Variants in TACR1 observed in about 807,000 individuals in gnomAD.
TACR1 encodes the protein tachykinin receptor 1.
A neutral mutation model predicts 35.8 loss-of-function variants in TACR1; 25 were observed. The observed-to-expected ratio is 0.70, with a 90% CI of 0.51 to 0.98. TACR1 has a LOEUF of 0.98. Among genes scored for constraint, TACR1 ranks in the 50% least tolerant of loss-of-function variants. TACR1 has a pLI of 0.00. For synonymous variants in TACR1, 195 were observed against 206.7 expected (o/e 0.94, Z 0.48); for missense variants, 478 against 522.9 (o/e 0.91, Z 0.84).
In TACR1 at chr2:75,171,415, T is replaced by C. The variant is rs1007593996; in HGVS notation, c.389+27131A>G. Among the ~76,000 whole-genome samples the C allele has an allele frequency of 2.6e-5, 4 of 152,182 alleles. No individual in the cohort carries two copies. In the East Asian group the frequency reaches 5.8e-4, roughly 22 times the overall value. ...GGTGTGCTGCAGGGGTGAGCCCTCATAGAGAACCTCTACTAGGGCAGTACA... is the reference window on the plus strand; with the variant it reads ...GGTGTGCTGCAGGGGTGAGCCCTCACAGAGAACCTCTACTAGGGCAGTACA... On this transcript the variant is annotated intron_variant, in intron 1 of 4. Transcript: ENST00000305249.
At chr2:75,059,962 G>C (rs1369114271) in intron 2 of TACR1, among the ~76,000 whole-genome samples, 1 of 152,188 alleles carries the variant, frequency 6.6e-6, no homozygotes, top group Non-Finnish European at 1.5e-5. Flanking sequence ...TGTATTTATT[G>C]GTTCACTCAC....
chr2:75,069,347 TA>T (rs1672831468), intron 2 of TACR1, among the ~76,000 whole-genome samples: 1 of 151,380 alleles, frequency 6.6e-6, no homozygotes, highest in Non-Finnish European at 1.5e-5. Flanking sequence ...TATATTTATT[TA>T]TTAATATAGT....
chr2:75,084,915 G>A (rs1331182338), intron 2 of TACR1, among the ~76,000 whole-genome samples: 1 of 151,894 alleles, frequency 6.6e-6, no homozygotes, highest in African/African-American at 2.4e-5. Context: ...ATTTTTTTAT[G>A]TCTCTATCTC....
intron 2 of TACR1, among the ~76,000 whole-genome samples, chr2:75,089,608 C>A (rs1321117290): frequency 6.6e-6 from 1 of 152,172 alleles, no homozygotes; most frequent in Non-Finnish European, 1.5e-5. Flanking sequence ...TAAGTGAAAT[C>A]ATATGTAGAA....
chr2:75,130,047 G>A (rs928122698), intron 1 of TACR1, among the ~76,000 whole-genome samples: 11 of 152,112 alleles, frequency 7.2e-5, no homozygotes, highest in African/African-American at 1.4e-4. Flanking sequence ...ATTAAATCCC[G>A]TCTTTATTTA....
intron 1 of TACR1, among the ~76,000 whole-genome samples, chr2:75,138,800 A>G (rs1674347159): frequency 6.9e-6 from 1 of 145,692 alleles, no homozygotes; most frequent in Non-Finnish European, 1.5e-5. Flanking sequence ...AATACTGAGT[A>G]CCTATCAGAG....
intron 2 of TACR1, among the ~76,000 whole-genome samples, chr2:75,078,354 G>A (rs979706641): frequency 2.0e-5 from 3 of 151,730 alleles, no homozygotes; most frequent in African/African-American, 7.3e-5. Context: ...TGTATCTGTA[G>A]AGAAGAGATT....
chr2:75,154,105 C>A (rs1043274941), intron 1 of TACR1, among the ~76,000 whole-genome samples: 2 of 152,068 alleles, frequency 1.3e-5, no homozygotes, highest in Non-Finnish European at 1.5e-5. Context: ...CACTTGGATG[C>A]CCCCCTCACT....
intron 1 of TACR1, among the ~76,000 whole-genome samples, chr2:75,172,046 G>A (rs773067586): frequency 1.3e-5 from 2 of 152,160 alleles, no homozygotes; most frequent in Admixed American, 6.5e-5. Context: ...GTATGAAAAT[G>A]GACTAATGCA....
intron 1 of TACR1, among the ~76,000 whole-genome samples, chr2:75,142,524 T>C (rs1257996378): frequency 6.6e-6 from 1 of 152,222 alleles, no homozygotes; most frequent in African/African-American, 2.4e-5. Context: ...CCTAATCCAC[T>C]GGAGGGAAGA....
At chr2:75,070,219 ATGTGTGTGTGTGTATGTGTG>A (rs1368534753) in intron 2 of TACR1, among the ~76,000 whole-genome samples, 6 of 89,152 alleles carry the variant, frequency 6.7e-5, no homozygotes, top group South Asian at 4.3e-4. Flanking sequence ...CATTGTATGT[ATGTGTGTGTGTGTATGTGTG>A]TGTGTGTGTG....
At chr2:75,148,236 G>A (rs1442547345) in intron 1 of TACR1, among the ~76,000 whole-genome samples, 6 of 152,280 alleles carry the variant, frequency 3.9e-5, no homozygotes, top group Middle Eastern at 3.4e-3. Context: ...TATATACCCA[G>A]TAATGAGATT....
At chr2:75,144,855 C>A (rs1228523008) in intron 1 of TACR1, among the ~76,000 whole-genome samples, 1 of 152,078 alleles carries the variant, frequency 6.6e-6, no homozygotes, top group East Asian at 1.9e-4. Flanking sequence ...GAAAATGACA[C>A]TGATGATTTG....
chr2:75,154,824 T>A (rs1032676642), intron 1 of TACR1, among the ~76,000 whole-genome samples: 1 of 152,162 alleles, frequency 6.6e-6, no homozygotes, highest in South Asian at 2.1e-4. Flanking sequence ...ACAGCACTGC[T>A]TAGCTCCTGG....
chr2:75,136,125 G>A (rs565361666), intron 1 of TACR1, among the ~76,000 whole-genome samples: 1 of 152,242 alleles, frequency 6.6e-6, no homozygotes, highest in South Asian at 2.1e-4. Flanking sequence ...GCGGAACTTG[G>A]GCCTTGTAGA....
At chr2:75,055,767 C>T (rs1672557254) in intron 2 of TACR1, among the ~76,000 whole-genome samples, 1 of 152,184 alleles carries the variant, frequency 6.6e-6, no homozygotes, top group Non-Finnish European at 1.5e-5. Flanking sequence ...CTCGAGTGGG[C>T]TTCAGTATCA....
intron 1 of TACR1, among the ~76,000 whole-genome samples, chr2:75,138,017 G>A (rs1674333274): frequency 6.6e-6 from 1 of 152,258 alleles, no homozygotes; most frequent in African/African-American, 2.4e-5. Context: ...TGGATAAAAC[G>A]GCACTGACTC....
intron 1 of TACR1, among the ~76,000 whole-genome samples, chr2:75,192,992 G>A (rs1675885252): frequency 6.6e-6 from 1 of 151,968 alleles, no homozygotes; most frequent in South Asian, 2.1e-4. Flanking sequence ...GTGCCTTGCT[G>A]CCTCTCTTCC....
In TACR1 at chr2:75,049,555, C is replaced by T; in HGVS notation, c.1101G>A (p.Glu367=). Residue 367 remains glutamate, a synonymous_variant, in exon 5 of 5, where the codon GAG becomes GAA. Transcript: ENST00000305249. ...TISTVVGAHE[E]EPEDGPKATP... ...TGGCCTTGGGGCCGTCCTCTGGCTC[C>T]TCCTCGTGGGCCCCCACCACTGTGG... 1 of 1,614,194 alleles carries T rather than the reference C, an allele frequency of 6.2e-7. No individual in the cohort carries two copies. Among genetic ancestry groups the T allele is most frequent in the Non-Finnish European group, 8.5e-7 (1 of 1,180,002 alleles).
Sources: allele counts gnomAD v4.1 joint callset (sites outside exome capture counted in the v4.1 genomes callset), GRCh38; gene constraint gnomAD v4.1.1; transcripts MANE v1.5; gene names NCBI Gene and HGNC (gene_info 2026-07-23, HGNC 2026-07-21).